The following MPHOSPH6 variants were observed in gnomAD, a reference collection of about 807,000 sequenced individuals.
The protein encoded by MPHOSPH6 is M-phase phosphoprotein 6.
In MPHOSPH6, 25 loss-of-function variants were observed where a neutral mutation model predicts 21.8. The observed-to-expected ratio is 1.15, with a 90% confidence interval of 0.83 to 1.60. The LOEUF is 1.60. MPHOSPH6 is among the 40% of genes most tolerant of loss of function. The probability of loss-of-function intolerance (pLI) is 0.00; values close to 1 mark genes in which losing one functional copy is unlikely to be tolerated. For synonymous variants in MPHOSPH6, 84 were observed against 56.5 expected, an observed-to-expected ratio of 1.49 and a Z score of -2.18; for missense variants, 269 against 181.8, an observed-to-expected ratio of 1.48 and a Z score of -2.76.
chr16:82,149,613 ATTATAC>A (rs775317511), intron 3 of MPHOSPH6, among the ~76,000 whole-genome samples: 1 of 152,256 alleles, frequency 6.6e-6, no homozygotes, highest in Non-Finnish European at 1.5e-5. Context: ...GCCCCACTGA[ATTATAC>A]TTAGGGTGAA....
intron 2 of MPHOSPH6, among the ~76,000 whole-genome samples, chr16:82,158,434 G>T (rs530338684): frequency 6.8e-6 from 1 of 146,962 alleles, no homozygotes; most frequent in Admixed American, 6.8e-5. Flanking sequence ...GGGAGGTGGA[G>T]TTTGCAGTGA....
intron 2 of MPHOSPH6, among the ~76,000 whole-genome samples, chr16:82,158,778 G>GGCTT (rs1209987722): frequency 1.3e-5 from 2 of 152,084 alleles, no homozygotes; most frequent in East Asian, 3.8e-4. Context: ...TGTCATCTTG[G>GGCTT]GCTTGATAGC....
chr16:82,151,314 C>G, intron 3 of MPHOSPH6, 110 bp downstream of exon 3: 1 of 1,432,250 alleles, frequency 7.0e-7, no homozygotes, highest in African/African-American at 1.4e-5. Flanking sequence ...TTGTTATTTT[C>G]TATATAATGA....
chr16:82,168,168 T>C (rs1270651618), intron 1 of MPHOSPH6, among the ~76,000 whole-genome samples: 1 of 152,194 alleles, frequency 6.6e-6, no homozygotes, highest in Non-Finnish European at 1.5e-5. Flanking sequence ...AACTCGGATA[T>C]TTAGTTTGAG....
At position 82,148,928 on chromosome 16, in the gene MPHOSPH6, A is replaced by G. The variant is rs146434427; in HGVS notation, c.351-65T>C. ...AAAAGGTAGGGATCAAGCCTTGTCA[A>G]GAATATCAGACCAAATATGCAATAA... On this transcript the variant is annotated intron_variant, in intron 4 of 4. Coordinates refer to ENST00000258169, the MANE Select transcript of MPHOSPH6 (RefSeq NM_005792.2). The G allele has an allele frequency of 2.0e-4, 320 of 1,564,770 alleles. 2 individuals carry two copies. The highest frequency in any genetic ancestry group is 2.7e-4 in the Non-Finnish European group (307 of 1,152,000).
chr16:82,151,430 C>G lies in MPHOSPH6; in HGVS notation c.249G>C (p.Glu83Asp), dbSNP rs367560357. 52 of 1,605,534 alleles carry G rather than the reference C, an allele frequency of 3.2e-5. 1 individual carries two copies. In the East Asian group the frequency reaches 9.6e-4, roughly 30 times the overall value. The change falls in exon 3 of 5, where the codon GAG becomes GAC. Residue 83 changes from glutamate to aspartate, a missense_variant. Transcript: ENST00000258169. ...AAGCAATTATATTTAATACCTCAACCTCAGGATTAAATCCTCTGAATGACA... is the reference window on the plus strand; with the variant it reads ...AAGCAATTATATTTAATACCTCAACGTCAGGATTAAATCCTCTGAATGACA... ...GRMSFRGFNP[E>D]VEKLMLQMNA...
Position 82,170,157 on chromosome 16 carries a change from T to A in MPHOSPH6, c.19A>T (p.Thr7Ser), listed in dbSNP as rs1160900367. The A allele has an allele frequency of 6.3e-7, 1 of 1,595,386 alleles. No individual in the cohort carries two copies. Among genetic ancestry groups the A allele is most frequent in the Non-Finnish European group, 8.5e-7 (1 of 1,171,224 alleles). The change falls in exon 1 of 5, where the codon ACA becomes TCA. Residue 7 changes from threonine (T) to serine (S), a missense_variant. Physicochemically the swap from Thr to Ser is moderately conservative, Grantham distance 58. Transcript: ENST00000258169. MAAERK[T>S]RLSKNLLRMK... ...CGCAGTAGATTCTTGGACAACCTTG[T>A]CTTTCGCTCGGCCGCCATGGTAGCT...
intron 1 of MPHOSPH6, among the ~76,000 whole-genome samples, chr16:82,168,192 G>A (rs987033671): frequency 7.2e-5 from 11 of 152,214 alleles, no homozygotes; most frequent in African/African-American, 2.2e-4. Flanking sequence ...GAGTCACCCA[G>A]TACATCATCT....
At chr16:82,159,470 T>C (rs1906537690) in intron 2 of MPHOSPH6, among the ~76,000 whole-genome samples, 1 of 152,132 alleles carries the variant, frequency 6.6e-6, no homozygotes, top group Non-Finnish European at 1.5e-5. Flanking sequence ...AGTAGCGCAA[T>C]CTCGGCTCAA....
intron 1 of MPHOSPH6, among the ~76,000 whole-genome samples, chr16:82,169,887 C>T (rs1167028310): frequency 1.3e-5 from 2 of 152,206 alleles, no homozygotes; most frequent in African/African-American, 4.8e-5. Context: ...ACCCTGACTG[C>T]TTCTGTGTAC....
At position 82,170,106 on chromosome 16, in the gene MPHOSPH6, G is replaced by T. The variant is rs2303264; in HGVS notation, c.51+19C>A. On this transcript the variant is annotated intron_variant, in intron 1 of 4. Transcript: ENST00000258169. ...GGGTGCCCCTACCGCCCGGAGTGGC[G>T]CTCTCAGCGTCCCCGCACCTTCATG... 1,196,247 of 1,555,270 alleles carry T rather than the reference G, an allele frequency of 0.77. 464,958 individuals carry two copies. Among genetic ancestry groups the T allele is most frequent in the Admixed American group, 0.84 (47,211 of 56,256 alleles).
At chr16:82,167,030 C>T (rs541867345) in intron 1 of MPHOSPH6, among the ~76,000 whole-genome samples, 3 of 152,268 alleles carry the variant, frequency 2.0e-5, no homozygotes, top group East Asian at 1.9e-4. Flanking sequence ...TGTCTGTTGT[C>T]GTCGATAAAG....
At chr16:82,158,052 C>A (rs1165588205) in intron 2 of MPHOSPH6, among the ~76,000 whole-genome samples, 1 of 152,160 alleles carries the variant, frequency 6.6e-6, no homozygotes, top group Non-Finnish European at 1.5e-5. Context: ...ACATTCTTCA[C>A]TGCCAGGCCC....
intron 1 of MPHOSPH6, among the ~76,000 whole-genome samples, chr16:82,166,523 T>C (rs1906785853): frequency 6.6e-6 from 1 of 152,198 alleles, no homozygotes; most frequent in Non-Finnish European, 1.5e-5. Flanking sequence ...TCATCAACAC[T>C]GGAATATTGT....
intron 2 of MPHOSPH6, among the ~76,000 whole-genome samples, chr16:82,155,664 G>A (rs538308787): frequency 6.6e-6 from 1 of 152,248 alleles, no homozygotes; most frequent in South Asian, 2.1e-4. Context: ...AGCACTTTGG[G>A]AGGCCAAGGT....
At chr16:82,165,319 G>A (rs920387444) in intron 1 of MPHOSPH6, among the ~76,000 whole-genome samples, 3 of 151,124 alleles carry the variant, frequency 2.0e-5, no homozygotes, top group Admixed American at 6.6e-5. Flanking sequence ...AGAGACGGGG[G>A]TTCACCACTT....
At chr16:82,165,144 T>TTTTTTTTTTTTG (rs1555540871) in intron 1 of MPHOSPH6, among the ~76,000 whole-genome samples, 18 of 108,614 alleles carry the variant, frequency 1.7e-4, no homozygotes, top group South Asian at 3.3e-4. Flanking sequence ...TTTTTTTTTT[T>TTTTTTTTTTTTG]TGAGACAGAG....
chr16:82,155,655 G>T (rs1219003916), intron 2 of MPHOSPH6, among the ~76,000 whole-genome samples: 2 of 152,158 alleles, frequency 1.3e-5, no homozygotes, highest in Non-Finnish European at 2.9e-5. Context: ...TGTAATCCCA[G>T]CACTTTGGGA....
intron 1 of MPHOSPH6, among the ~76,000 whole-genome samples, chr16:82,165,118 TTTA>T (rs1226740541): frequency 1.9e-5 from 1 of 52,884 alleles, no homozygotes; most frequent in African/African-American, 1.2e-4. Context: ...ATATTTCTTT[TTTA>T]TTTTTTTTTT....
Sources: allele counts gnomAD v4.1 joint callset (sites outside exome capture counted in the v4.1 genomes callset), GRCh38; gene constraint gnomAD v4.1.1; transcripts MANE v1.5; gene names NCBI Gene and HGNC (gene_info 2026-07-23, HGNC 2026-07-21).